The following ATP11A variants were observed in gnomAD, a reference collection of about 807,000 sequenced individuals.
ATP11A encodes the protein phospholipid-transporting ATPase IH.
ATP11A carries 81 observed loss-of-function variants against 154.4 expected under a neutral mutation model. The ratio of observed to expected loss-of-function variants is 0.52; its 90% CI spans 0.44 to 0.63. The LOEUF is 0.63. Ranked by LOEUF, ATP11A falls within the 30% of genes least tolerant of loss-of-function variation. The pLI is 0.00. For missense variants in ATP11A, 1,316 were observed against 1,474.3 expected, an observed-to-expected ratio of 0.89 and a Z score of 1.76; for synonymous variants, 623 against 585.9, an observed-to-expected ratio of 1.06 and a Z score of -0.91.
At chr13:112,764,575 T>C (rs2139897296) in intron 1 of ATP11A, among the ~76,000 whole-genome samples, 1 of 152,256 alleles carries the variant, frequency 6.6e-6, no homozygotes, top group Non-Finnish European at 1.5e-5. Flanking sequence ...AGGTGGGGCC[T>C]GTGGGCTGTG....
intron 1 of ATP11A, chr13:112,747,243 T>G (rs1000183896): frequency 6.6e-6 from 1 of 152,016 alleles, no homozygotes; most frequent in African/African-American, 2.4e-5. Flanking sequence ...AGGGCCAGGG[T>G]GGATTCGGGA....
At chr13:112,772,047 C>T (rs1449868053) in intron 1 of ATP11A, among the ~76,000 whole-genome samples, 2 of 152,124 alleles carry the variant, frequency 1.3e-5, no homozygotes, top group Non-Finnish European at 2.9e-5. Context: ...GCAGAGTCCT[C>T]CCATGAGAAC....
intron 1 of ATP11A, among the ~76,000 whole-genome samples, chr13:112,759,912 C>T (rs2076926356): frequency 1.3e-5 from 2 of 152,166 alleles, no homozygotes; most frequent in South Asian, 4.1e-4. Flanking sequence ...TTGCTTTTCA[C>T]TTAAAAAGTG....
At chr13:112,810,091 G>A (rs1360583121) in intron 4 of ATP11A, among the ~76,000 whole-genome samples, 2 of 151,064 alleles carry the variant, frequency 1.3e-5, no homozygotes, top group East Asian at 2.0e-4. Flanking sequence ...GTGAGCCGGC[G>A]TTTCACCGAG....
intron 1 of ATP11A, among the ~76,000 whole-genome samples, chr13:112,732,385 C>T (rs979803329): frequency 1.3e-5 from 2 of 152,004 alleles, no homozygotes; most frequent in African/African-American, 4.8e-5. Context: ...TCTCTCTCTC[C>T]CCATCCTCTT....
chr13:112,738,065 C>G (rs1193778490), intron 1 of ATP11A, among the ~76,000 whole-genome samples: 3 of 152,148 alleles, frequency 2.0e-5, no homozygotes, highest in Non-Finnish European at 4.4e-5. Flanking sequence ...AGCTCTTTGC[C>G]TCGGGTTGAA....
Position 112,854,378 on chromosome 13 carries a change from G to A in ATP11A, c.2091G>A (p.Thr697=), listed in dbSNP as rs533028763. The change falls in exon 19 of 30, where the codon ACG becomes ACA. Residue 697 remains threonine, a synonymous_variant. Transcript: ENST00000375645. ...TGDKMETAAA[T]CYACKLFRRN... ...ACAAGATGGAGACGGCCGCGGCCAC[G>A]TGCTACGCCTGCAAGCTCTTCCGCA... 9.3e-6 allele frequency: 15 copies of A among 1,614,000 alleles called. No homozygotes were observed. Among genetic ancestry groups the A allele is most frequent in the South Asian group, 3.3e-5 (3 of 91,080 alleles).
At chr13:112,877,948 CG>C (rs34894212) in intron 28 of ATP11A, among the ~76,000 whole-genome samples, 2 of 150,910 alleles carry the variant, frequency 1.3e-5, no homozygotes, top group Non-Finnish European at 3.0e-5. Flanking sequence ...ACAAGAGCCC[CG>C]GGAATGCTTA....
intron 5 of ATP11A, among the ~76,000 whole-genome samples, chr13:112,815,640 A>G (rs1430530143): frequency 6.6e-6 from 1 of 152,246 alleles, no homozygotes; most frequent in Non-Finnish European, 1.5e-5. Flanking sequence ...TAGTTTTTGA[A>G]ACATTGTTGC....
At position 112,859,087 on chromosome 13, in the gene ATP11A, T is replaced by G; in HGVS notation, c.2668-306T>G. The G allele has an allele frequency of 3.2e-6, 1 of 311,150 alleles. No individual in the cohort carries two copies. The highest frequency in any genetic ancestry group is 6.1e-6 in the Non-Finnish European group (1 of 163,026). The allele number at this position is 311,150 out of a possible 1,614,324, so 19.3% of individuals were successfully genotyped here. ...TCAGGTGGAAATGTTTGAGGAAGGA[T>G]TCCTTATTCACTGTGCAGTTCGATT... On this transcript the variant is annotated intron_variant, in intron 22 of 29. Coordinates refer to ENST00000375645, the MANE Select transcript of ATP11A (RefSeq NM_015205.3). This position sits in a 1 kb window ranked among gnomAD's most constrained non-coding sequence, Gnocchi z 4.3.
chr13:112,717,342 C>T (rs381583), intron 1 of ATP11A: 74,955 of 152,006 alleles, frequency 0.49, 19,270 homozygotes, highest in East Asian at 0.66. Flanking sequence ...CCCGCCATCC[C>T]AGGAGAAGCA....
intron 1 of ATP11A, among the ~76,000 whole-genome samples, chr13:112,755,114 T>C (rs550108106): frequency 6.6e-6 from 1 of 152,266 alleles, no homozygotes; most frequent in Non-Finnish European, 1.5e-5. Context: ...AATTGTACTT[T>C]CCGAACATTT....
At chr13:112,751,991 C>T (rs373101664) in intron 1 of ATP11A, among the ~76,000 whole-genome samples, 13 of 152,178 alleles carry the variant, frequency 8.5e-5, no homozygotes, top group Admixed American at 2.0e-4. Context: ...GTGGCTAAGT[C>T]GTTCATCTTT....
At chr13:112,818,886 G>T (rs1002607088) in intron 6 of ATP11A, among the ~76,000 whole-genome samples, 1 of 152,216 alleles carries the variant, frequency 6.6e-6, no homozygotes, top group East Asian at 1.9e-4. Context: ...CAACAGCAAC[G>T]GGCACAGGCA....
At position 112,785,042 on chromosome 13, in the gene ATP11A, G is replaced by T; in HGVS notation, c.40-93G>T. 7.4e-7 allele frequency: 1 copy of T among 1,351,160 alleles called. No individual in the cohort carries two copies. The highest frequency in any genetic ancestry group is 9.6e-7 in the Non-Finnish European group (1 of 1,041,700). 83.7% of individuals were successfully genotyped at this position (1,351,160 alleles called of 1,614,324 possible). ...CTCTCAGCAGCAGGTACAGGTCTCC[G>T]TTCCGACGAACGTGCCTCAAGGCAA... is the stretch of plus-strand genomic sequence containing the variant. On this transcript the variant is annotated intron_variant, in intron 1 of 29. Coordinates refer to ENST00000375645, the MANE Select transcript of ATP11A (RefSeq NM_015205.3). The surrounding 1 kb of genome is among the most constrained non-coding windows in gnomAD (Gnocchi z 4.8).
At chr13:112,751,920 C>CACACATGCGTGTGTGTAAATACACAAAT in intron 1 of ATP11A, among the ~76,000 whole-genome samples, 1 of 152,178 alleles carries the variant, frequency 6.6e-6, no homozygotes. Flanking sequence ...TATACACATA[C>CACACATGCGTGTGTGTAAATACACAAAT]ACACATGCGT....
Position 112,826,735 on chromosome 13 carries a change from C to T in ATP11A, c.1065C>T (p.Leu355=), listed in dbSNP as rs2078944034. The change falls in exon 12 of 30, where the codon CTC becomes CTT. Residue 355 remains leucine, a synonymous_variant. Coordinates refer to ENST00000375645, the MANE Select transcript of ATP11A (RefSeq NM_015205.3). The part of the protein sequence containing the change: ...AFTDFLAFMV[L]FNYIIPVSMY... ...CGGACTTCCTGGCCTTCATGGTCCTCTTTAACTACATCATCCCTGTGTCCA... is the reference window on the plus strand; with the variant it reads ...CGGACTTCCTGGCCTTCATGGTCCTTTTTAACTACATCATCCCTGTGTCCA... 5 of 1,614,082 alleles carry T rather than the reference C, an allele frequency of 3.1e-6. No homozygotes were observed. The highest frequency in any genetic ancestry group is 4.2e-6 in the Non-Finnish European group (5 of 1,180,044).
At chr13:112,848,638 C>T (rs954386903) in intron 17 of ATP11A, among the ~76,000 whole-genome samples, 3 of 152,230 alleles carry the variant, frequency 2.0e-5, no homozygotes, top group South Asian at 2.1e-4. Flanking sequence ...CCTGATCCTA[C>T]GGAAAAGCTT....
intron 1 of ATP11A, among the ~76,000 whole-genome samples, chr13:112,715,660 T>C (rs1186538869): frequency 1.4e-5 from 2 of 147,062 alleles, no homozygotes; most frequent in Non-Finnish European, 3.0e-5. Flanking sequence ...TTACAGTTGA[T>C]TAAAATCTTA....
Sources: gnomAD v4.1 joint callset for allele counts (sites outside exome capture counted in the v4.1 genomes callset) on GRCh38, gnomAD v4.1.1 for gene constraint, Gnocchi (gnomAD v3.1) non-coding constraint, MANE v1.5 for transcripts, NCBI Gene and HGNC (gene_info 2026-07-23, HGNC 2026-07-21) for gene names.